Variants in DAPK2 observed in about 807,000 individuals in gnomAD.
The protein encoded by DAPK2 is death associated protein kinase 2.
In DAPK2, 35 loss-of-function variants were observed where a neutral mutation model predicts 44.1. That is an observed-to-expected ratio of 0.79 (90% CI 0.61 to 1.05). DAPK2 has a LOEUF of 1.05. Among genes scored for constraint, DAPK2 ranks in the 50% least tolerant of loss-of-function variants. The probability of loss-of-function intolerance (pLI) is 0.00; values close to 1 mark genes in which losing one functional copy is unlikely to be tolerated. For synonymous variants in DAPK2, 174 were observed against 182.6 expected, an observed-to-expected ratio of 0.95 and a Z score of 0.38; for missense variants, 453 against 483.2, an observed-to-expected ratio of 0.94 and a Z score of 0.59.
chr15:63,929,967 C>T (rs772088480), intron 5 of DAPK2: 19 of 436,282 alleles, frequency 4.4e-5, no homozygotes, highest in South Asian at 1.6e-4. Context: ...TATAAAGCAG[C>T]GTCCAAATGA....
chr15:64,036,303 G>GTA (rs1225495882), intron 1 of DAPK2, among the ~76,000 whole-genome samples: 2 of 48,634 alleles, frequency 4.1e-5, no homozygotes, highest in African/African-American at 8.5e-5. Context: ...GTGTGTGTGT[G>GTA]TGTGTGTATA....
intron 1 of DAPK2, among the ~76,000 whole-genome samples, chr15:63,987,049 G>A (rs2078686388): frequency 6.6e-6 from 1 of 152,200 alleles, no homozygotes; most frequent in Non-Finnish European, 1.5e-5. Flanking sequence ...TTTTGCTTGA[G>A]GGGTTCACCA....
At chr15:64,015,512 G>A (rs1015401276) in intron 1 of DAPK2, among the ~76,000 whole-genome samples, 1 of 152,238 alleles carries the variant, frequency 6.6e-6, no homozygotes, top group Admixed American at 6.5e-5. Context: ...GGCAGTCATA[G>A]TGGGTTGAAT....
intron 2 of DAPK2, among the ~76,000 whole-genome samples, chr15:63,977,238 C>T (rs2078378326): frequency 6.6e-6 from 1 of 152,168 alleles, no homozygotes; most frequent in Non-Finnish European, 1.5e-5. Flanking sequence ...AAGGTGGCTG[C>T]CTTGGTGTTG....
chr15:64,033,328 A>G (rs59326085), intron 1 of DAPK2, among the ~76,000 whole-genome samples: 44 of 95,176 alleles, frequency 4.6e-4, no homozygotes, highest in African/African-American at 1.5e-3. Context: ...AAGGAAGGAA[A>G]AAAAAAATAG....
At chr15:63,985,443 C>T (rs922182) in intron 1 of DAPK2, among the ~76,000 whole-genome samples, 57,727 of 151,970 alleles carry the variant, frequency 0.38, 11,683 homozygotes, top group Non-Finnish European at 0.45. Flanking sequence ...AACACTTGAC[C>T]GAGCTTCCAG....
At position 63,993,274 on chromosome 15, in the gene DAPK2, T is replaced by G. The variant is rs192621091; in HGVS notation, c.93-9520A>C. ...CACTATTTGTGACCAAGAAGGGGCT[T>G]GAATAGTGGCAAGTTTAGGCACACA... On this transcript the variant is annotated intron_variant, in intron 1 of 10. Coordinates refer to ENST00000261891, the Ensembl canonical transcript of DAPK2. Among the ~76,000 whole-genome samples the G allele has an allele frequency of 3.3e-5, 5 of 152,260 alleles. No individual in the cohort carries two copies. The East Asian group carries it at 9.7e-4, about 29-fold the overall frequency.
At chr15:63,943,245 G>A (rs112866137) in intron 3 of DAPK2, among the ~76,000 whole-genome samples, 4,281 of 152,004 alleles carry the variant, frequency 0.028, 90 homozygotes, top group African/African-American at 0.06. Flanking sequence ...GCAACTTGGA[G>A]AAACCCTGTC....
At chr15:63,937,816 G>C (rs2077204341) in intron 4 of DAPK2, among the ~76,000 whole-genome samples, 1 of 152,126 alleles carries the variant, frequency 6.6e-6, no homozygotes, top group South Asian at 2.1e-4. Flanking sequence ...AAACTTAATA[G>C]ACATGCATTT....
intron 3 of DAPK2, among the ~76,000 whole-genome samples, chr15:63,947,518 C>T (rs116810675): frequency 4.6e-5 from 7 of 152,330 alleles, no homozygotes; most frequent in African/African-American, 1.4e-4. Flanking sequence ...TAAGCATGCA[C>T]GCCTTGGAAT....
chr15:63,924,016 T>C (rs1372876458), intron 8 of DAPK2, among the ~76,000 whole-genome samples: 1 of 152,144 alleles, frequency 6.6e-6, no homozygotes, highest in Non-Finnish European at 1.5e-5. Context: ...CCACCTTTCT[T>C]ATGGTCATTT....
At chr15:64,040,404 G>T, upstream of DAPK2, 1 of 652,126 alleles carries the variant, frequency 1.5e-6, no homozygotes, top group Non-Finnish European at 2.7e-6. Context: ...TTCAAGAACT[G>T]CCCTGCTCAA....
chr15:63,908,376 G>C lies in DAPK2; in HGVS notation c.*144C>G. Reference sequence around the variant, plus strand: ...CCAGGGTCTCCTGGCTTGCCTGCAAGCTCTTCTGAATTCCTTGGGCCCATC... The same window carrying C: ...CCAGGGTCTCCTGGCTTGCCTGCAACCTCTTCTGAATTCCTTGGGCCCATC... On this transcript the variant is annotated 3_prime_UTR_variant, in exon 11 of 11. Coordinates refer to ENST00000261891, the Ensembl canonical transcript of DAPK2. The surrounding 1 kb of genome is among the most constrained non-coding windows in gnomAD (Gnocchi z 5.7). The C allele has an allele frequency of 2.2e-6, 1 of 448,612 alleles. No individual in the cohort carries two copies. Among genetic ancestry groups the C allele is most frequent in the Non-Finnish European group, 3.9e-6 (1 of 256,600 alleles). The allele number at this position is 448,612 out of a possible 1,614,324, so 27.8% of individuals were successfully genotyped here.
At chr15:63,969,761 CAGTG>C (rs2078159721) in intron 3 of DAPK2, among the ~76,000 whole-genome samples, 1 of 148,860 alleles carries the variant, frequency 6.7e-6, no homozygotes, top group Non-Finnish European at 1.5e-5. Flanking sequence ...AAAAAAGTGA[CAGTG>C]AGCCTAAGGA....
intron 2 of DAPK2, among the ~76,000 whole-genome samples, chr15:63,973,644 G>C (rs1376560424): frequency 6.6e-6 from 1 of 152,156 alleles, no homozygotes; most frequent in Non-Finnish European, 1.5e-5. Flanking sequence ...TGAGACTTTG[G>C]ACTTTAAACT....
intron 1 of DAPK2, among the ~76,000 whole-genome samples, chr15:64,038,686 TAA>T (rs58709151): frequency 6.9e-6 from 1 of 145,484 alleles, no homozygotes. Flanking sequence ...TTTGAAAGTT[TAA>T]AAAAAAAAAA....
chr15:63,944,387 C>CTA (rs1373584414), intron 3 of DAPK2, among the ~76,000 whole-genome samples: 2 of 152,172 alleles, frequency 1.3e-5, no homozygotes, highest in African/African-American at 4.8e-5. Context: ...ACCAAGGTAC[C>CTA]TATAGGCTGG....
At chr15:64,006,130 T>C (rs528331127) in intron 1 of DAPK2, among the ~76,000 whole-genome samples, 156 of 150,620 alleles carry the variant, frequency 1.0e-3, no homozygotes, top group African/African-American at 3.7e-3. Context: ...TCTCCTGGCA[T>C]CCCATCACTC....
upstream of DAPK2, chr15:64,046,327 CCGCGGCAGGCGCGGCGGG>C (rs1290350234): frequency 2.5e-5 from 24 of 952,254 alleles, no homozygotes; most frequent in African/African-American, 5.0e-4. This position sits in a 1 kb window ranked among gnomAD's most constrained non-coding sequence, Gnocchi z 5.3. Flanking sequence ...GCGGTCGCGG[CCGCGGCAGGCGCGGCGGG>C]AGCGGCGGGC....
Sources: allele counts gnomAD v4.1 joint callset (sites outside exome capture counted in the v4.1 genomes callset), GRCh38; gene constraint gnomAD v4.1.1; non-coding constraint Gnocchi (gnomAD v3.1); transcripts MANE v1.5; gene names NCBI Gene and HGNC (gene_info 2026-07-23, HGNC 2026-07-21).